The following DLG2 variants were observed in gnomAD, a reference collection of about 807,000 sequenced individuals.
DLG2 encodes discs large MAGUK scaffold protein 2.
In DLG2, 45 loss-of-function variants were observed where a neutral mutation model predicts 132.5. The observed-to-expected ratio is 0.34, with a 90% CI of 0.27 to 0.44. The LOEUF (loss-of-function observed/expected upper bound fraction) is 0.44, where lower values mean the gene tolerates loss of function less well. DLG2 is among the 20% of genes least tolerant of loss of function. The pLI is 1.00. For missense variants in DLG2, 1,045 were observed against 1,196.9 expected, an observed-to-expected ratio of 0.87 and a Z score of 1.87; for synonymous variants, 424 against 419.6, an observed-to-expected ratio of 1.01 and a Z score of -0.13.
Position 84,389,141 on chromosome 11 carries a change from C to T in DLG2, c.520-137850G>A, listed in dbSNP as rs531648574. ...TAGGAGGATTAATTTGAAAAGAACT[C>T]GCTAACATTTCTGAGGTTTCCTCAG... On this transcript the variant is annotated intron_variant, in intron 7 of 27. Transcript: ENST00000376104. Among the ~76,000 whole-genome samples, 18 of 152,206 alleles carry T rather than the reference C, an allele frequency of 1.2e-4. No homozygotes were observed. The South Asian group carries it at 3.5e-3, about 30-fold the overall frequency.
chr11:83,615,350 G>C (rs145730686), intron 19 of DLG2, among the ~76,000 whole-genome samples: 29 of 152,272 alleles, frequency 1.9e-4, no homozygotes, highest in Middle Eastern at 3.4e-3. Context: ...TTATTAAAAT[G>C]AATACTGTTA....
At chr11:83,599,663 C>T (rs1439597048) in intron 19 of DLG2, among the ~76,000 whole-genome samples, 2 of 152,180 alleles carry the variant, frequency 1.3e-5, no homozygotes, top group African/African-American at 4.8e-5. Flanking sequence ...CGCCACTAGA[C>T]ATTGTGTTTT....
At chr11:84,862,963 T>TA (rs1375371385) in intron 6 of DLG2, among the ~76,000 whole-genome samples, 1 of 151,932 alleles carries the variant, frequency 6.6e-6, no homozygotes, top group Non-Finnish European at 1.5e-5. Flanking sequence ...TCCCAGAACT[T>TA]AAAGTATAAT....
rs542766281 is a variant in DLG2, at chr11:85,292,536, T to C, written c.41-7171A>G. ...ATGCTGAACACATAAGACCAGAGAATGAGTAAATGCTCATACCCAAAGGGT... is the reference window on the plus strand; with the variant it reads ...ATGCTGAACACATAAGACCAGAGAACGAGTAAATGCTCATACCCAAAGGGT... On this transcript the variant is annotated intron_variant, in intron 3 of 27. Transcript: ENST00000376104. Among the ~76,000 whole-genome samples the C allele has an allele frequency of 2.0e-5, 3 of 150,936 alleles. No individual in the cohort carries two copies. The South Asian group carries it at 6.3e-4, about 32-fold the overall frequency.
At chr11:85,514,126 T>C (rs1330572846) in intron 3 of DLG2, among the ~76,000 whole-genome samples, 1 of 152,010 alleles carries the variant, frequency 6.6e-6, no homozygotes, top group Non-Finnish European at 1.5e-5. Flanking sequence ...ATATAATCTA[T>C]AATAATTATA....
chr11:84,059,247 T>C (rs895192310), intron 11 of DLG2, 68 bp downstream of exon 11: 139 of 1,476,390 alleles, frequency 9.4e-5, no homozygotes, highest in Non-Finnish European at 1.2e-4. Context: ...ATCATACGAC[T>C]ATCGTGGCAT....
chr11:84,980,637 A>G (rs187032981), intron 6 of DLG2, among the ~76,000 whole-genome samples: 1 of 152,296 alleles, frequency 6.6e-6, no homozygotes. Context: ...CCAAAACATT[A>G]TAGGTAAAAG....
At chr11:84,969,058 C>T (rs1453597711) in intron 6 of DLG2, among the ~76,000 whole-genome samples, 6 of 147,686 alleles carry the variant, frequency 4.1e-5, no homozygotes, top group South Asian at 4.3e-4. Context: ...TCAAAGGAAA[C>T]TTTATTCTTC....
At chr11:84,149,462 A>T (rs888888570) in intron 9 of DLG2, among the ~76,000 whole-genome samples, 13 of 152,170 alleles carry the variant, frequency 8.5e-5, no homozygotes, top group Non-Finnish European at 1.8e-4. Flanking sequence ...AGCACCATTA[A>T]TTGAATAGGG....
chr11:84,499,329 A>G (rs2099195249), intron 7 of DLG2, among the ~76,000 whole-genome samples: 1 of 152,222 alleles, frequency 6.6e-6, no homozygotes, highest in African/African-American at 2.4e-5. Context: ...CAGATTGAAG[A>G]GCTATTTAAT....
At chr11:85,166,284 C>T (rs2078436706) in intron 4 of DLG2, among the ~76,000 whole-genome samples, 1 of 152,140 alleles carries the variant, frequency 6.6e-6, no homozygotes, top group African/African-American at 2.4e-5. Context: ...CTACTCACTA[C>T]TCAATGATTC....
chr11:84,977,064 C>T (rs914533329), intron 6 of DLG2, among the ~76,000 whole-genome samples: 1 of 151,902 alleles, frequency 6.6e-6, no homozygotes, highest in Non-Finnish European at 1.5e-5. Context: ...TTTTTTCTGA[C>T]AGAATCGTAA....
intron 6 of DLG2, among the ~76,000 whole-genome samples, chr11:84,825,013 G>T (rs748191412): frequency 6.6e-6 from 1 of 151,880 alleles, no homozygotes; most frequent in Non-Finnish European, 1.5e-5. Flanking sequence ...CACTGTGGGT[G>T]TGAGAAACAC....
chr11:84,416,624 T>C (rs2098930710), intron 7 of DLG2, among the ~76,000 whole-genome samples: 2 of 152,224 alleles, frequency 1.3e-5, no homozygotes, highest in African/African-American at 2.4e-5. Context: ...AAGATCCTGG[T>C]CTATCACTTA....
At chr11:85,007,069 G>A (rs1396353896) in intron 6 of DLG2, among the ~76,000 whole-genome samples, 2 of 152,060 alleles carry the variant, frequency 1.3e-5, no homozygotes, top group Non-Finnish European at 2.9e-5. Flanking sequence ...GCAATCATAT[G>A]ATGATTTTAT....
intron 19 of DLG2, among the ~76,000 whole-genome samples, chr11:83,555,350 G>T (rs887346847): frequency 1.3e-5 from 2 of 152,228 alleles, no homozygotes; most frequent in African/African-American, 2.4e-5. Context: ...GAGATGATCA[G>T]ATTTACATCG....
At chr11:84,584,711 C>A (rs1248143720) in intron 6 of DLG2, among the ~76,000 whole-genome samples, 1 of 88,708 alleles carries the variant, frequency 1.1e-5, no homozygotes, top group Non-Finnish European at 2.0e-5. Flanking sequence ...TTTTTTGAGA[C>A]GGAGTCTCGC....
intron 4 of DLG2, among the ~76,000 whole-genome samples, chr11:85,196,905 T>C (rs948952927): frequency 6.6e-6 from 1 of 152,218 alleles, no homozygotes; most frequent in Non-Finnish European, 1.5e-5. Context: ...AGAAATTAAG[T>C]GTAAACACCC....
At chr11:84,177,153 A>T (rs570321219) in intron 8 of DLG2, among the ~76,000 whole-genome samples, 37 of 152,186 alleles carry the variant, frequency 2.4e-4, no homozygotes, top group African/African-American at 8.9e-4. Context: ...TCATGTTTTC[A>T]TTATACTCTT....
Sources: allele counts gnomAD v4.1 joint callset (sites outside exome capture counted in the v4.1 genomes callset), GRCh38; gene constraint gnomAD v4.1.1; transcripts MANE v1.5; gene names NCBI Gene and HGNC (gene_info 2026-07-23, HGNC 2026-07-21).